The following C1QTNF3 variants were observed in gnomAD, a reference collection of about 807,000 sequenced individuals.
C1QTNF3 encodes C1q and TNF related 3.
Under a neutral mutation model 32.6 loss-of-function variants are expected in C1QTNF3, and 26 were observed. The ratio of observed to expected loss-of-function variants is 0.80; its 90% CI spans 0.58 to 1.11. C1QTNF3 has a LOEUF of 1.11. Among genes scored for constraint, C1QTNF3 ranks in the 50% least tolerant of loss-of-function variants. C1QTNF3 has a pLI of 0.00. For missense variants in C1QTNF3, 362 were observed against 398.2 expected (o/e 0.91, Z 0.77); for synonymous variants, 155 against 146.0 (o/e 1.06, Z -0.44).
intron 3 of C1QTNF3, among the ~76,000 whole-genome samples, chr5:34,029,167 A>T (rs1433070214): frequency 6.6e-6 from 1 of 152,230 alleles, no homozygotes; most frequent in African/African-American, 2.4e-5. Flanking sequence ...AATACCAGAA[A>T]ATTTTATATG....
chr5:34,157,951 CTACATTTCAATGTATTAT>C, the C1QTNF3 span, among the ~76,000 whole-genome samples: 1 of 152,104 alleles, frequency 6.6e-6, no homozygotes, highest in Non-Finnish European at 1.5e-5. Context: ...ATTCAAAAAT[CTACATTTCAATGTATTAT>C]TACCTTTCAG....
At chr5:34,043,221 G>C, upstream of C1QTNF3, 1 of 1,319,884 alleles carries the variant, frequency 7.6e-7, no homozygotes, top group Non-Finnish European at 1.0e-6. Flanking sequence ...GCTGAGAGCT[G>C]CAGCGGCGGA....
the C1QTNF3 span, among the ~76,000 whole-genome samples, chr5:34,073,839 G>A: frequency 8.6e-5 from 13 of 152,026 alleles, no homozygotes; most frequent in Middle Eastern, 3.4e-3. Flanking sequence ...AACGTGTCCT[G>A]ATTTTCCAAA....
At chr5:34,056,416 A>ATG in the C1QTNF3 span, among the ~76,000 whole-genome samples, 10 of 61,222 alleles carry the variant, frequency 1.6e-4, no homozygotes, top group African/African-American at 4.1e-4. Flanking sequence ...ATATATGTAT[A>ATG]TGTATGTGTG....
chr5:34,038,262 G>A (rs537221575), intron 1 of C1QTNF3, among the ~76,000 whole-genome samples: 1 of 152,298 alleles, frequency 6.6e-6, no homozygotes, highest in South Asian at 2.1e-4. Flanking sequence ...AATAAGCCAC[G>A]AAGATAAGGT....
At chr5:34,031,662 G>A (rs1754616931) in intron 3 of C1QTNF3, among the ~76,000 whole-genome samples, 2 of 152,016 alleles carry the variant, frequency 1.3e-5, no homozygotes, top group South Asian at 2.1e-4. Context: ...GAGAAATGCC[G>A]TCTCTACTAA....
the C1QTNF3 span, among the ~76,000 whole-genome samples, chr5:34,101,411 G>A: frequency 3.3e-5 from 5 of 151,996 alleles, no homozygotes; most frequent in African/African-American, 1.2e-4. Context: ...GTTGATGTGA[G>A]AACAAGCAAA....
the C1QTNF3 span, among the ~76,000 whole-genome samples, chr5:34,123,349 C>T: frequency 2.0e-5 from 3 of 152,276 alleles, no homozygotes; most frequent in South Asian, 6.2e-4. Flanking sequence ...CACATACATA[C>T]ATGCATGCAT....
chr5:34,241,047 A>G, the C1QTNF3 span, among the ~76,000 whole-genome samples: 1 of 152,178 alleles, frequency 6.6e-6, no homozygotes, highest in Non-Finnish European at 1.5e-5. Context: ...GGATGCCGGA[A>G]AAGCTTTCAA....
At chr5:34,100,082 T>C in the C1QTNF3 span, among the ~76,000 whole-genome samples, 2 of 151,566 alleles carry the variant, frequency 1.3e-5, no homozygotes, top group South Asian at 2.1e-4. Context: ...GGAAGTCCAA[T>C]GTCCAACCAC....
chr5:34,211,077 T>C, the C1QTNF3 span, among the ~76,000 whole-genome samples: 3 of 151,452 alleles, frequency 2.0e-5, no homozygotes, highest in Admixed American at 1.3e-4. Flanking sequence ...CTACCTATTA[T>C]GTTTGTGTTT....
chr5:34,096,745 T>C, the C1QTNF3 span, among the ~76,000 whole-genome samples: 1 of 151,836 alleles, frequency 6.6e-6, no homozygotes, highest in Admixed American at 6.6e-5. Context: ...TTATCAAAAA[T>C]CTAGTGGGTA....
the C1QTNF3 span, among the ~76,000 whole-genome samples, chr5:34,244,258 G>A: frequency 6.6e-6 from 1 of 152,288 alleles, no homozygotes. Context: ...TCTCTATATA[G>A]TTTTCTGTAT....
rs544633922 is a variant in C1QTNF3, at chr5:34,033,587, G to C, written c.416-129C>G. 4.4e-6 allele frequency: 5 copies of C among 1,142,274 alleles called. No homozygotes were observed. In the African/African-American group the frequency reaches 7.7e-5, roughly 18 times the overall value. The allele number at this position is 1,142,274 out of a possible 1,614,324, so 70.8% of individuals were successfully genotyped here. A position where few individuals can be genotyped will look rare whatever the true frequency, so the allele number is the denominator to read the frequency against. On this transcript the variant is annotated intron_variant, in intron 2 of 5. Coordinates refer to ENST00000382065, the MANE Select transcript of C1QTNF3 (RefSeq NM_181435.6). ...GAATAATCCCAAATATAACCAAGGG[G>C]TATCATCATCTAAATAGGGCAATAG...
intron 1 of C1QTNF3, among the ~76,000 whole-genome samples, chr5:34,036,900 TGA>T (rs985450442): frequency 6.6e-6 from 1 of 151,826 alleles, no homozygotes; most frequent in Non-Finnish European, 1.5e-5. Flanking sequence ...TGCAGTGAGC[TGA>T]GATAGCACCA....
the C1QTNF3 span, among the ~76,000 whole-genome samples, chr5:34,195,745 C>G: frequency 1.3e-5 from 2 of 152,192 alleles, no homozygotes; most frequent in South Asian, 4.1e-4. Flanking sequence ...GAGGCTGACG[C>G]AGGAGAATGG....
chr5:34,037,448 C>G (rs140181044), intron 1 of C1QTNF3, among the ~76,000 whole-genome samples: 1 of 152,164 alleles, frequency 6.6e-6, no homozygotes, highest in Non-Finnish European at 1.5e-5. Flanking sequence ...AACACTTAGA[C>G]CTTACTTTCT....
At chr5:34,218,112 A>T in the C1QTNF3 span, among the ~76,000 whole-genome samples, 4 of 151,560 alleles carry the variant, frequency 2.6e-5, no homozygotes, top group African/African-American at 9.7e-5. Context: ...AAAAACTGTT[A>T]AAAAAGGACA....
intron 3 of C1QTNF3, 32 bp from the exon 4 acceptor site, chr5:34,028,915 C>A: frequency 6.3e-7 from 1 of 1,591,522 alleles, no homozygotes; most frequent in Non-Finnish European, 8.6e-7. Flanking sequence ...AATAAATAGG[C>A]AATTTATCTT....
Sources: gnomAD v4.1 joint callset for allele counts (sites outside exome capture counted in the v4.1 genomes callset) on GRCh38, gnomAD v4.1.1 for gene constraint, MANE v1.5 for transcripts, NCBI Gene and HGNC (gene_info 2026-07-23, HGNC 2026-07-21) for gene names.